The following SEPTIN7 variants were observed in gnomAD, a reference collection of about 807,000 sequenced individuals.
SEPTIN7 encodes septin 7, also known as septin-7.
In SEPTIN7, 10 loss-of-function variants were observed where a neutral mutation model predicts 63.3. That is an observed-to-expected ratio of 0.16 (90% confidence interval 0.10 to 0.27). The LOEUF is 0.27. SEPTIN7 is among the 10% of genes least tolerant of loss of function. SEPTIN7 has a pLI of 1.00. For missense variants in SEPTIN7, 310 were observed against 521.0 expected (o/e 0.59, Z 3.94); for synonymous variants, 131 against 165.3 (o/e 0.79, Z 1.59).
At position 35,904,485 on chromosome 7, in the gene SEPTIN7, A is replaced by G. The variant is rs1219431836; in HGVS notation, c.*192A>G. 4.9e-6 allele frequency: 2 copies of G among 408,010 alleles called. No homozygotes were observed. Among genetic ancestry groups the G allele is most frequent in the Non-Finnish European group, 8.7e-6 (2 of 230,782 alleles). 25.3% of individuals were successfully genotyped at this position (408,010 alleles called of 1,614,324 possible). A position where few individuals can be genotyped will look rare whatever the true frequency, so the allele number is the denominator to read the frequency against. On this transcript the variant is annotated 3_prime_UTR_variant, in exon 14 of 14. Coordinates refer to ENST00000350320, the MANE Select transcript of SEPTIN7 (RefSeq NM_001788.6). ...CCTTGAATTGTCTAGGGTGTTCTGT[A>G]CTTAGAAAGTAAGAGCTCTAAGTAC...
chr7:35,829,331 G>A (rs1472874773), intron 1 of SEPTIN7, among the ~76,000 whole-genome samples: 2 of 151,568 alleles, frequency 1.3e-5, no homozygotes, highest in Non-Finnish European at 1.5e-5. Flanking sequence ...TAGTAGAGAC[G>A]GGGTTTCACC....
intron 1 of SEPTIN7, among the ~76,000 whole-genome samples, chr7:35,807,948 A>T (rs1379804597): frequency 6.6e-6 from 1 of 151,152 alleles, no homozygotes; most frequent in East Asian, 2.0e-4. Flanking sequence ...TCAGCCTCCT[A>T]AGTAGCTGGG....
Position 35,807,041 on chromosome 7 carries a change from A to G in SEPTIN7, c.61+5771A>G, listed in dbSNP as rs532048628. Among the ~76,000 whole-genome samples the G allele has an allele frequency of 1.3e-3, 193 of 152,328 alleles. 1 individual carries two copies. The highest frequency in any genetic ancestry group is 4.5e-3 in the African/African-American group (189 of 41,574). On this transcript the variant is annotated intron_variant, in intron 1 of 13. Transcript: ENST00000350320. The stretch of plus-strand genomic sequence containing the variant: ...GAAATATTCCTGCAGTGGTAATTTG[A>G]AACTTTTGTAAACTTTGTTCATTGA...
chr7:35,909,180 C>T (rs1788693668), downstream of SEPTIN7, among the ~76,000 whole-genome samples: 1 of 152,126 alleles, frequency 6.6e-6, no homozygotes. Context: ...CTGGCTTACC[C>T]TGATAAAGTT....
intron 4 of SEPTIN7, among the ~76,000 whole-genome samples, chr7:35,865,518 C>T (rs1785764751): frequency 6.6e-6 from 1 of 151,734 alleles, no homozygotes; most frequent in South Asian, 2.1e-4. Flanking sequence ...ATCAGTATAT[C>T]ATTTATTGTT....
At position 35,872,739 on chromosome 7, in the gene SEPTIN7, T is replaced by A; in HGVS notation, c.350T>A (p.Phe117Tyr). 3 of 1,611,960 alleles carry A rather than the reference T, an allele frequency of 1.9e-6. No individual in the cohort carries two copies. The highest frequency in any genetic ancestry group is 2.5e-6 in the Non-Finnish European group (3 of 1,178,154). Residue 117 changes from phenylalanine (F) to tyrosine (Y), a missense_variant, in exon 5 of 14, where the codon TTT (phenylalanine) becomes TAT (tyrosine). Around this residue, in one of 2 missense-constraint regions of SEPTIN7, gnomAD observed 255 missense variants for 490.5 expected, o/e 0.52. Transcript: ENST00000350320. ...CTCACAATAGTTGATACCCCAGGAT[T>A]TGGAGATGCAGTGGATAATAGTAAT... is the stretch of plus-strand genomic sequence containing the variant. ...LLLTIVDTPG[F>Y]GDAVDNSNCW...
intron 10 of SEPTIN7, among the ~76,000 whole-genome samples, chr7:35,886,651 C>G (rs775655815): frequency 4.8e-4 from 73 of 152,232 alleles, no homozygotes; most frequent in Non-Finnish European, 7.8e-4. Flanking sequence ...TTACCACATA[C>G]TCTCTTTAAC....
chr7:35,901,419 C>A (rs1004354343), intron 12 of SEPTIN7: 2 of 152,096 alleles, frequency 1.3e-5, no homozygotes, highest in African/African-American at 4.8e-5. Context: ...TTTACTGAAA[C>A]AAATAAAAAG....
chr7:35,804,406 C>A (rs1371488168), intron 1 of SEPTIN7, among the ~76,000 whole-genome samples: 1 of 152,220 alleles, frequency 6.6e-6, no homozygotes, highest in African/African-American at 2.4e-5. Flanking sequence ...GCCAAAGAGG[C>A]AGCTTGGCTG....
intron 13 of SEPTIN7, among the ~76,000 whole-genome samples, chr7:35,903,509 C>T (rs572629546): frequency 6.6e-6 from 1 of 152,236 alleles, no homozygotes; most frequent in Admixed American, 6.5e-5. Flanking sequence ...ACCTCCTCCC[C>T]CCAGTTGTTG....
chr7:35,822,309 G>T (rs1213771317), intron 1 of SEPTIN7, among the ~76,000 whole-genome samples: 1 of 152,022 alleles, frequency 6.6e-6, no homozygotes, highest in Non-Finnish European at 1.5e-5. Context: ...CAGTCCACCC[G>T]CCTCGGACTC....
At chr7:35,884,981 G>C (rs1562576864) in intron 9 of SEPTIN7, among the ~76,000 whole-genome samples, 1 of 151,660 alleles carries the variant, frequency 6.6e-6, no homozygotes, top group South Asian at 2.1e-4. Context: ...ATTGAGATTT[G>C]ATTGTTTTAT....
At chr7:35,877,368 A>G (rs1228217419) in intron 6 of SEPTIN7, among the ~76,000 whole-genome samples, 2 of 152,136 alleles carry the variant, frequency 1.3e-5, no homozygotes, top group Non-Finnish European at 2.9e-5. Context: ...CCTTACTACT[A>G]CAGTAAAGTA....
chr7:35,912,834 A>G, the SEPTIN7 span, among the ~76,000 whole-genome samples: 1 of 152,268 alleles, frequency 6.6e-6, no homozygotes, highest in South Asian at 2.1e-4. Context: ...TACTTACTTT[A>G]TGACGCTGTT....
chr7:35,852,617 A>T (rs564094539), intron 3 of SEPTIN7, among the ~76,000 whole-genome samples: 1 of 152,340 alleles, frequency 6.6e-6, no homozygotes, highest in African/African-American at 2.4e-5. Flanking sequence ...CTCATTACAA[A>T]ATAGCTTGTT....
intron 1 of SEPTIN7, among the ~76,000 whole-genome samples, chr7:35,812,525 T>G (rs1168549220): frequency 1.3e-5 from 2 of 152,090 alleles, no homozygotes; most frequent in African/African-American, 4.8e-5. Context: ...GTCAAGGGAA[T>G]GGGGGTTTTA....
At chr7:35,866,107 G>A (rs1785793909) in intron 4 of SEPTIN7, among the ~76,000 whole-genome samples, 1 of 152,132 alleles carries the variant, frequency 6.6e-6, no homozygotes, top group Non-Finnish European at 1.5e-5. Flanking sequence ...TTGAGAACCA[G>A]ATTGATCCTT....
chr7:35,817,468 G>T (rs1789144071), intron 1 of SEPTIN7, among the ~76,000 whole-genome samples: 1 of 151,994 alleles, frequency 6.6e-6, no homozygotes, highest in Non-Finnish European at 1.5e-5. Context: ...TTGAAACTGG[G>T]GAGTGTGAGT....
intron 1 of SEPTIN7, among the ~76,000 whole-genome samples, chr7:35,804,247 A>G (rs1187425005): frequency 2.0e-5 from 3 of 152,238 alleles, no homozygotes; most frequent in African/African-American, 7.2e-5. Flanking sequence ...GCCAGAAACC[A>G]GGGTGGCTTC....
Sources: allele counts gnomAD v4.1 joint callset (sites outside exome capture counted in the v4.1 genomes callset), GRCh38; gene constraint gnomAD v4.1.1; regional missense constraint gnomAD v4.1.1; transcripts MANE v1.5; gene names NCBI Gene and HGNC (gene_info 2026-07-23, HGNC 2026-07-21).